Variants in KDM4B observed in about 807,000 individuals in gnomAD.
KDM4B encodes lysine-specific demethylase 4B.
In KDM4B, 32 loss-of-function variants were observed where a neutral mutation model predicts 125.2. That is an observed-to-expected ratio of 0.26 (90% CI 0.19 to 0.34). The LOEUF (loss-of-function observed/expected upper bound fraction) is 0.34. Ranked by LOEUF, KDM4B falls within the 10% of genes least tolerant of loss-of-function variation. The pLI, the probability that KDM4B is intolerant of heterozygous loss-of-function variation, is 1.00. For missense variants in KDM4B, 1,190 were observed against 1,577.7 expected (o/e 0.75, Z 4.16); for synonymous variants, 721 against 677.9 (o/e 1.06, Z -0.99).
chr19:5,067,239 C>G (rs896015106), intron 6 of KDM4B, among the ~76,000 whole-genome samples: 4 of 152,196 alleles, frequency 2.6e-5, no homozygotes, highest in Admixed American at 2.0e-4. Context: ...CTCCCCACCC[C>G]CTTAACATTT....
At position 5,122,915 on chromosome 19, in the gene KDM4B, C is replaced by T. The variant is rs1432181707; in HGVS notation, c.1315+3063C>T. On this transcript the variant is annotated intron_variant, in intron 11 of 22. Transcript: ENST00000159111. Reference sequence around the variant, plus strand: ...CCAGTCCCCTGTTGCCTGGGACCTGCGTGAGTCCGGCTGCATTGGAGATGG... The same window carrying T: ...CCAGTCCCCTGTTGCCTGGGACCTGTGTGAGTCCGGCTGCATTGGAGATGG... Among the ~76,000 whole-genome samples, 5 of 152,234 alleles carry T rather than the reference C, an allele frequency of 3.3e-5. No individual in the cohort carries two copies. In the East Asian group the frequency reaches 5.8e-4, roughly 18 times the overall value.
chr19:4,978,711 A>C (rs680475), intron 1 of KDM4B, among the ~76,000 whole-genome samples: 138,936 of 152,042 alleles, frequency 0.91, 63,644 homozygotes, highest in African/African-American at 0.96. Flanking sequence ...CTCCTGTGCA[A>C]TTCTGTGCCT....
chr19:4,977,129 C>T (rs1037400243), intron 1 of KDM4B, among the ~76,000 whole-genome samples: 1 of 152,068 alleles, frequency 6.6e-6, no homozygotes, highest in African/African-American at 2.4e-5. Context: ...TTATCCACCT[C>T]AGTGATCTCA....
intron 6 of KDM4B, among the ~76,000 whole-genome samples, chr19:5,070,288 G>A (rs1230558994): frequency 6.6e-6 from 1 of 152,168 alleles, no homozygotes; most frequent in African/African-American, 2.4e-5. Context: ...CAAGGCTGCG[G>A]CTCCTGGTGC....
chr19:4,979,310 G>T (rs8101548), intron 1 of KDM4B, among the ~76,000 whole-genome samples: 2,189 of 152,278 alleles, frequency 0.014, 69 homozygotes, highest in African/African-American at 0.05. Flanking sequence ...CCAAGCCCAG[G>T]GAAGCACAGG....
Position 5,151,460 on chromosome 19 carries a change from C to T in KDM4B, c.3240C>T (p.Ala1080=). 6.6e-7 allele frequency: 1 copy of T among 1,524,736 alleles called. No individual in the cohort carries two copies. Among genetic ancestry groups the T allele is most frequent in the Non-Finnish European group, 8.8e-7 (1 of 1,136,958 alleles). 94.5% of individuals were successfully genotyped at this position (1,524,736 alleles called of 1,614,324 possible). A position where few individuals can be genotyped will look rare whatever the true frequency, so the allele number is the denominator to read the frequency against. Residue 1080 remains alanine (A), a synonymous_variant, in exon 23 of 23, where the codon GCC becomes GCT. Coordinates refer to ENST00000159111, the MANE Select transcript of KDM4B (RefSeq NM_015015.3). ...CCGGGCGGAGCCAGGACTACGTGGC[C>T]TTCGTGGAGAGCCTCCTGCAGGTGC... ...EDSGRSQDYV[A]FVESLLQVQG...
intron 3 of KDM4B, among the ~76,000 whole-genome samples, chr19:5,034,367 A>G (rs1377677194): frequency 6.6e-6 from 1 of 152,246 alleles, no homozygotes; most frequent in Non-Finnish European, 1.5e-5. Context: ...ACACACGGCC[A>G]GAGGGTGAAC....
At chr19:5,108,058 C>T (rs998996813) in intron 9 of KDM4B, among the ~76,000 whole-genome samples, 4 of 152,240 alleles carry the variant, frequency 2.6e-5, no homozygotes, top group Non-Finnish European at 4.4e-5. Context: ...CATCTGGAGC[C>T]GTGCCAGCCC....
At chr19:5,079,418 C>T (rs1012617985) in intron 8 of KDM4B, among the ~76,000 whole-genome samples, 3 of 152,254 alleles carry the variant, frequency 2.0e-5, no homozygotes, top group Non-Finnish European at 4.4e-5. Context: ...ACATAATCTT[C>T]TTGTCCTAAC....
In KDM4B at chr19:5,082,255, C is replaced by A. The variant is rs376548388; in HGVS notation, c.781-112C>A. On this transcript the variant is annotated intron_variant, in intron 8 of 22. Coordinates refer to ENST00000159111, the MANE Select transcript of KDM4B (RefSeq NM_015015.3). The surrounding 1 kb of genome is among the most constrained non-coding windows in gnomAD (Gnocchi z 5.4). Reference sequence around the variant, plus strand: ...CTGGATCACCTTTGACTTTGTGAAACCCCCTTGGCTCATAAGCCAGGCTCC... The same window carrying A: ...CTGGATCACCTTTGACTTTGTGAAAACCCCTTGGCTCATAAGCCAGGCTCC... The A allele has an allele frequency of 1.8e-5, 24 of 1,304,964 alleles. No homozygotes were observed. In the East Asian group the frequency reaches 2.0e-4, roughly 11 times the overall value. 80.8% of individuals were successfully genotyped at this position (1,304,964 alleles called of 1,614,324 possible).
At chr19:5,037,131 C>T (rs1254062529) in intron 3 of KDM4B, among the ~76,000 whole-genome samples, 4 of 152,308 alleles carry the variant, frequency 2.6e-5, no homozygotes, top group Admixed American at 6.5e-5. Context: ...GGATCATGGG[C>T]GAGTTTCCTC....
At chr19:4,978,462 A>ATG (rs2034526325) in intron 1 of KDM4B, among the ~76,000 whole-genome samples, 1 of 131,216 alleles carries the variant, frequency 7.6e-6, no homozygotes, top group Non-Finnish European at 1.5e-5. Flanking sequence ...AGCTGAGATC[A>ATG]CGCCACTGCA....
intron 6 of KDM4B, among the ~76,000 whole-genome samples, chr19:5,069,491 G>C (rs540719505): frequency 6.6e-6 from 1 of 151,514 alleles, no homozygotes; most frequent in Non-Finnish European, 1.5e-5. Flanking sequence ...TGTATTTTTC[G>C]TAGAGGCGGG....
At chr19:5,122,567 G>T (rs761269522) in intron 11 of KDM4B, among the ~76,000 whole-genome samples, 1 of 152,190 alleles carries the variant, frequency 6.6e-6, no homozygotes, top group Non-Finnish European at 1.5e-5. Context: ...GCACAAACTA[G>T]AAAAATAAAG....
chr19:4,982,597 C>G (rs907489298), intron 1 of KDM4B, among the ~76,000 whole-genome samples: 5 of 151,092 alleles, frequency 3.3e-5, no homozygotes, highest in Non-Finnish European at 5.9e-5. Flanking sequence ...GATGTTCTCT[C>G]TCTCTCTCTC....
intron 1 of KDM4B, among the ~76,000 whole-genome samples, chr19:4,972,130 A>T (rs1274683585): frequency 1.3e-5 from 2 of 152,090 alleles, no homozygotes; most frequent in Non-Finnish European, 2.9e-5. Flanking sequence ...TTCCTGGCTT[A>T]GGATGCCGGA....
chr19:4,984,196 C>T (rs927014682), intron 1 of KDM4B, among the ~76,000 whole-genome samples: 5 of 152,154 alleles, frequency 3.3e-5, no homozygotes, highest in Non-Finnish European at 7.3e-5. Flanking sequence ...GCTGAGGCCC[C>T]AATCCAGAGT....
chr19:5,132,292 TCCTC>T (rs2039572120), intron 13 of KDM4B, among the ~76,000 whole-genome samples: 1 of 152,054 alleles, frequency 6.6e-6, no homozygotes, highest in Non-Finnish European at 1.5e-5. Flanking sequence ...CATGGAAGAT[TCCTC>T]CCAGGGCTGA....
Position 5,114,229 on chromosome 19 carries a change from C to A in KDM4B, c.1115+3411C>A. 1 of 1,289,128 alleles carries A rather than the reference C, an allele frequency of 7.8e-7. No homozygotes were observed. The highest frequency in any genetic ancestry group is 1.0e-6 in the Non-Finnish European group (1 of 988,332). The allele number at this position is 1,289,128 out of a possible 1,614,324, so 79.9% of individuals were successfully genotyped here. On this transcript the variant is annotated intron_variant, in intron 10 of 22. Transcript: ENST00000159111. The surrounding 1 kb of genome is among the most constrained non-coding windows in gnomAD (Gnocchi z 5.8). ...GTGCACGTGCTCCAGCAGGTACGCG[C>A]TCCCTGCAGGACATCTGTGCACCCG...
Sources: gnomAD v4.1 joint callset for allele counts (sites outside exome capture counted in the v4.1 genomes callset) on GRCh38, gnomAD v4.1.1 for gene constraint, Gnocchi (gnomAD v3.1) non-coding constraint, MANE v1.5 for transcripts, NCBI Gene and HGNC (gene_info 2026-07-23, HGNC 2026-07-21) for gene names.